LRP1B: variants seen among roughly 807,000 people sequenced by gnomAD.
LRP1B encodes the protein LDL receptor related protein 1B.
In LRP1B, 217 loss-of-function variants were observed where a neutral mutation model predicts 556.6. That is an observed-to-expected ratio of 0.39 (90% confidence interval 0.35 to 0.44). The LOEUF is 0.44. Ranked by LOEUF, LRP1B falls within the 20% of genes least tolerant of loss-of-function variation. LRP1B has a pLI of 1.00. For missense variants in LRP1B, 5,053 were observed against 5,620.8 expected (o/e 0.90, Z 3.23); for synonymous variants, 2,047 against 1,865.8 (o/e 1.10, Z -2.50).
intron 1 of LRP1B, among the ~76,000 whole-genome samples, chr2:142,111,825 CCTTT>C (rs1706997911): frequency 6.6e-6 from 1 of 151,976 alleles, no homozygotes; most frequent in African/African-American, 2.4e-5. Context: ...TAATAAACTT[CCTTT>C]AATTGAGTGC....
intron 1 of LRP1B, among the ~76,000 whole-genome samples, chr2:141,857,521 G>A (rs1698098590): frequency 6.6e-6 from 1 of 151,180 alleles, no homozygotes; most frequent in African/African-American, 2.4e-5. Context: ...AATTTTTGTA[G>A]ACATGGGGTC....
At chr2:140,718,389 T>G (rs1687284920) in intron 35 of LRP1B, among the ~76,000 whole-genome samples, 1 of 151,932 alleles carries the variant, frequency 6.6e-6, no homozygotes, top group African/African-American at 2.4e-5. Context: ...TTGTTCACTT[T>G]TTTCTTCTTT....
intron 29 of LRP1B, among the ~76,000 whole-genome samples, chr2:140,843,860 G>C (rs773815597): frequency 6.6e-6 from 1 of 152,174 alleles, no homozygotes; most frequent in Non-Finnish European, 1.5e-5. Flanking sequence ...TTTGAGGGCA[G>C]GCTCCTTGCT....
chr2:141,225,707 C>A (rs963594443), intron 6 of LRP1B, among the ~76,000 whole-genome samples: 1 of 152,122 alleles, frequency 6.6e-6, no homozygotes, highest in Non-Finnish European at 1.5e-5. Flanking sequence ...AATTTAATGT[C>A]TATCATTTCC....
intron 1 of LRP1B, among the ~76,000 whole-genome samples, chr2:141,988,657 A>G (rs2105110541): frequency 6.6e-6 from 1 of 152,190 alleles, no homozygotes; most frequent in African/African-American, 2.4e-5. Context: ...TTATCTCCCA[A>G]GAAAACACTC....
chr2:141,852,144 G>A (rs552539353), intron 1 of LRP1B, among the ~76,000 whole-genome samples: 8 of 151,746 alleles, frequency 5.3e-5, no homozygotes, highest in African/African-American at 1.7e-4. Context: ...AGGGGTTAAC[G>A]GTATGGTCAG....
chr2:141,255,438 T>G (rs1684424289), intron 3 of LRP1B, among the ~76,000 whole-genome samples: 1 of 152,078 alleles, frequency 6.6e-6, no homozygotes, highest in Non-Finnish European at 1.5e-5. Context: ...CATTGATATT[T>G]GCCAAGAGTT....
intron 35 of LRP1B, among the ~76,000 whole-genome samples, chr2:140,761,455 A>C (rs1688918989): frequency 6.6e-6 from 1 of 152,178 alleles, no homozygotes; most frequent in Admixed American, 6.6e-5. Context: ...GCTTCTAATA[A>C]ATAGAATATA....
chr2:140,501,747 A>G lies in LRP1B; in HGVS notation c.8790T>C (p.Cys2930=), dbSNP rs758063064. 6.2e-7 allele frequency: 1 copy of G among 1,612,860 alleles called. No individual in the cohort carries two copies. The highest frequency in any genetic ancestry group is 8.5e-7 in the Non-Finnish European group (1 of 1,179,178). ...AACATCCACTGACTTTCTTACTCAA[A>G]CATTCATTTATATGGCAGTTTCTCT... ...SDERNCHINE[C]LSKKVSGCSQ... is the part of the protein sequence containing the mutation. The change falls in exon 55 of 91, where the codon TGT becomes TGC. Residue 2930 remains cysteine (C), a synonymous_variant. Transcript: ENST00000389484.
At chr2:140,422,909 G>A (rs912898816) in intron 66 of LRP1B, among the ~76,000 whole-genome samples, 1 of 152,040 alleles carries the variant, frequency 6.6e-6, no homozygotes, top group Non-Finnish European at 1.5e-5. Flanking sequence ...CTTTTATTGC[G>A]GCTTAGAAAT....
rs575311895 is a variant in LRP1B, at chr2:140,843,674, C to T, written c.4940-2582G>A. Among the ~76,000 whole-genome samples, 26 of 152,258 alleles carry T rather than the reference C, an allele frequency of 1.7e-4. No homozygotes were observed. The Middle Eastern group carries it at 0.01, about 60-fold the overall frequency. On this transcript the variant is annotated intron_variant, in intron 29 of 90. Coordinates refer to ENST00000389484, the MANE Select transcript of LRP1B (RefSeq NM_018557.3). ...TTGCCTGAATTTTATTCATAATAGG[C>T]TAGCTGATCAACAACATCATCCCTT... is the stretch of plus-strand genomic sequence containing the variant.
intron 20 of LRP1B, among the ~76,000 whole-genome samples, chr2:140,929,274 CAGG>C (rs946216890): frequency 2.0e-5 from 3 of 152,004 alleles, no homozygotes; most frequent in Non-Finnish European, 4.4e-5. Flanking sequence ...GAGAGAATGC[CAGG>C]AGAACACACA....
intron 1 of LRP1B, among the ~76,000 whole-genome samples, chr2:141,920,279 T>TTG (rs1558962074): frequency 1.0e-5 from 1 of 99,962 alleles, no homozygotes; most frequent in Non-Finnish European, 2.1e-5. Flanking sequence ...TCTTTTTTTT[T>TTG]GGGGGGGGGT....
At chr2:140,578,396 G>A (rs1681619646) in intron 43 of LRP1B, among the ~76,000 whole-genome samples, 2 of 152,126 alleles carry the variant, frequency 1.3e-5, no homozygotes, top group Non-Finnish European at 2.9e-5. Flanking sequence ...GGTAGAATGT[G>A]AGAATGACAA....
chr2:140,275,709 TC>T (rs1682643519), intron 84 of LRP1B, among the ~76,000 whole-genome samples: 1 of 151,978 alleles, frequency 6.6e-6, no homozygotes, highest in Non-Finnish European at 1.5e-5. Context: ...TAGGCTATTA[TC>T]CTTTTCTAAG....
chr2:141,585,422 C>CGTGTGTGT (rs3041302), intron 2 of LRP1B, among the ~76,000 whole-genome samples: 1,310 of 129,234 alleles, frequency 0.01, 8 homozygotes, highest in African/African-American at 0.022. Context: ...CTGAAATAAT[C>CGTGTGTGT]GTGTGTGTGT....
intron 60 of LRP1B, among the ~76,000 whole-genome samples, chr2:140,474,286 G>A (rs552080802): frequency 6.6e-6 from 1 of 151,634 alleles, no homozygotes; most frequent in Non-Finnish European, 1.5e-5. Flanking sequence ...AGTATTACTC[G>A]ATGATTAAGA....
chr2:140,343,983 T>C (rs764467670), intron 77 of LRP1B, among the ~76,000 whole-genome samples: 1 of 151,586 alleles, frequency 6.6e-6, no homozygotes, highest in Non-Finnish European at 1.5e-5. Flanking sequence ...TGGAAAGAGT[T>C]GGAGGTCATA....
intron 2 of LRP1B, among the ~76,000 whole-genome samples, chr2:141,674,782 T>C (rs1690813192): frequency 6.6e-6 from 1 of 152,088 alleles, no homozygotes; most frequent in South Asian, 2.1e-4. Flanking sequence ...ACCAAAGTTC[T>C]TAATCACTGC....
Sources: allele counts gnomAD v4.1 joint callset (sites outside exome capture counted in the v4.1 genomes callset), GRCh38; gene constraint gnomAD v4.1.1; transcripts MANE v1.5; gene names NCBI Gene and HGNC (gene_info 2026-07-23, HGNC 2026-07-21).